The following BTBD17 variants were observed in gnomAD, a reference collection of about 807,000 sequenced individuals.
The protein encoded by BTBD17 is BTB/POZ domain-containing protein 17.
In BTBD17, 26 loss-of-function variants were observed where a neutral mutation model predicts 36.9. The observed-to-expected ratio is 0.70, with a 90% CI of 0.52 to 0.98. The LOEUF is 0.98. BTBD17 is among the 50% of genes least tolerant of loss of function. BTBD17 has a pLI of 0.00. For missense variants in BTBD17, 630 were observed against 691.3 expected (o/e 0.91, Z 0.99); for synonymous variants, 341 against 338.0 (o/e 1.01, Z -0.10).
chr17:74,363,104 A>T (rs1038997735), upstream of BTBD17, among the ~76,000 whole-genome samples: 1 of 151,774 alleles, frequency 6.6e-6, no homozygotes, highest in Non-Finnish European at 1.5e-5. Context: ...CTCCCAAGGG[A>T]TCTGACTCCG....
In BTBD17 at chr17:74,356,904, G is replaced by A. The variant is rs1263485751; in HGVS notation, c.1190C>T (p.Pro397Leu). ...EDGRPRLVVT[P>L]ASSGGDAAGV... is the part of the protein sequence containing the mutation. ...CGCCGCGTCGCCGCCGCTGCTGGCC[G>A]GCGTCACCACCAGCCGCGGTCGGCC... Residue 397 changes from proline to leucine, a missense_variant, in exon 3 of 3, where the codon CCG (proline) becomes CTG (leucine). By Grantham distance (98) the Pro-to-Leu change is moderately conservative. Transcript: ENST00000375366. This position sits in a 1 kb window ranked among gnomAD's most constrained non-coding sequence, Gnocchi z 4.3. The A allele has an allele frequency of 2.1e-6, 3 of 1,461,092 alleles. No individual in the cohort carries two copies. The highest frequency in any genetic ancestry group is 2.7e-6 in the Non-Finnish European group (3 of 1,115,814). The allele number at this position is 1,461,092 out of a possible 1,614,324, so 90.5% of individuals were successfully genotyped here. A position where few individuals can be genotyped will look rare whatever the true frequency, so the allele number is the denominator to read the frequency against.
intron 2 of BTBD17, among the ~76,000 whole-genome samples, 174 bp downstream of exon 2, chr17:74,359,795 A>G (rs1191110993): frequency 6.6e-6 from 1 of 152,226 alleles, no homozygotes; most frequent in African/African-American, 2.4e-5. Flanking sequence ...GACACGGGCA[A>G]AGACAGGGAG....
intron 1 of BTBD17, among the ~76,000 whole-genome samples, chr17:74,360,886 C>T (rs530231433): frequency 3.9e-5 from 6 of 152,268 alleles, no homozygotes; most frequent in African/African-American, 1.2e-4. Context: ...GGCCCTTGAA[C>T]GGAATGGGCC....
Position 74,357,047 on chromosome 17 carries a change from G to A in BTBD17, c.1047C>T (p.Asp349=). Residue 349 remains aspartate (D), a synonymous_variant, in exon 3 of 3, where the codon GAC becomes GAT. Coordinates refer to ENST00000375366, the MANE Select transcript of BTBD17 (RefSeq NM_001080466.2). This position sits in a 1 kb window ranked among gnomAD's most constrained non-coding sequence, Gnocchi z 8.4. ...FQTQLGPSGH[D]AGRRVTWNVL... Reference sequence around the variant, plus strand: ...CGTTCCAGGTGACCCGGCGGCCCGCGTCGTGGCCACTCGGGCCCAGCTGCG... The same window carrying A: ...CGTTCCAGGTGACCCGGCGGCCCGCATCGTGGCCACTCGGGCCCAGCTGCG... 2.6e-6 allele frequency: 4 copies of A among 1,528,886 alleles called. No homozygotes were observed. In the South Asian group the frequency reaches 3.6e-5, roughly 14 times the overall value. 94.7% of individuals were successfully genotyped at this position (1,528,886 alleles called of 1,614,324 possible).
At position 74,356,746 on chromosome 17, in the gene BTBD17, G is replaced by A; in HGVS notation, c.1348C>T (p.Arg450Cys). The change falls in exon 3 of 3, where the codon CGC becomes TGC. Residue 450 changes from arginine to cysteine, a missense_variant. Physicochemically the swap from Arg to Cys is radical, Grantham distance 180. Coordinates refer to ENST00000375366, the MANE Select transcript of BTBD17 (RefSeq NM_001080466.2). The surrounding 1 kb of genome is among the most constrained non-coding windows in gnomAD (Gnocchi z 4.3). ...DFLAHADLQR[R>C]NSEYLVENAL... ...TTCTCAACCAGGTACTCGGAGTTGC[G>A]CCGCTGCAGGTCGGCGTGCGCCAGG... 6.2e-7 allele frequency: 1 copy of A among 1,600,988 alleles called. No individual in the cohort carries two copies. The highest frequency in any genetic ancestry group is 8.5e-7 in the Non-Finnish European group (1 of 1,174,666).
Position 74,356,549 on chromosome 17 carries a change from C to T in BTBD17, c.*108G>A, listed in dbSNP as rs1472428780. 8 of 1,347,110 alleles carry T rather than the reference C, an allele frequency of 5.9e-6. No individual in the cohort carries two copies. Among genetic ancestry groups the T allele is most frequent in the Non-Finnish European group, 7.6e-6 (8 of 1,046,448 alleles). The allele number at this position is 1,347,110 out of a possible 1,614,324, so 83.4% of individuals were successfully genotyped here. On this transcript the variant is annotated 3_prime_UTR_variant, in exon 3 of 3. Coordinates refer to ENST00000375366, the MANE Select transcript of BTBD17 (RefSeq NM_001080466.2). This position sits in a 1 kb window ranked among gnomAD's most constrained non-coding sequence, Gnocchi z 4.3. ...TCCACCCCAGCCCTAGGGTGGCCGG[C>T]GCCTGGCCATCCAGGGGACCAGGCT...
In BTBD17 at chr17:74,357,578, C is replaced by T; in HGVS notation, c.516G>A (p.Trp172Ter). The T allele has an allele frequency of 6.4e-7, 1 of 1,552,182 alleles. No homozygotes were observed. The highest frequency in any genetic ancestry group is 8.7e-7 in the Non-Finnish European group (1 of 1,155,526). Residue 172 changes from tryptophan to a stop codon, truncating the protein, a stop_gained, in exon 3 of 3, where the codon TGG becomes TGA. Transcript: ENST00000375366. LOFTEE classifies it high-confidence loss of function. The surrounding 1 kb of genome is among the most constrained non-coding windows in gnomAD (Gnocchi z 8.4). ...CCCCGGTGCCCACCGCGTAGTGGTA[C>T]CAGCCCACCGCCGGGCCCGCGCCTC... is the stretch of plus-strand genomic sequence containing the variant. ...LAGGAGPAVG[W>*]YHYAVGTGDE... is the part of the protein sequence containing the mutation.
At chr17:74,360,358 A>G in intron 1 of BTBD17, 113 bp from the exon 2 acceptor site, 1 of 1,141,606 alleles carries the variant, frequency 8.8e-7, no homozygotes, top group Non-Finnish European at 1.2e-6. Context: ...GCAGAGGGCA[A>G]GGTGGGCCTA....
At position 74,357,161 on chromosome 17, in the gene BTBD17, G is replaced by T; in HGVS notation, c.933C>A (p.Phe311Leu). ...CGGGCGCGAGGTAGTTGCGGGGCAG[G>T]AAGGCGCTGCCGTTGACGTCGAAGA... Reference protein sequence around the residue: ...AKFFDVNGSAFLPRNYLAPAW... With the variant: ...AKFFDVNGSALLPRNYLAPAW... The change falls in exon 3 of 3, where the codon TTC becomes TTA. Residue 311 changes from phenylalanine to leucine, a missense_variant. Transcript: ENST00000375366. This position sits in a 1 kb window ranked among gnomAD's most constrained non-coding sequence, Gnocchi z 8.4. 1 of 1,545,432 alleles carries T rather than the reference G, an allele frequency of 6.5e-7. No homozygotes were observed.
chr17:74,360,129 G>T lies in BTBD17; in HGVS notation c.202C>A (p.Arg68=). 2 of 1,613,044 alleles carry T rather than the reference G, an allele frequency of 1.2e-6. No homozygotes were observed. The highest frequency in any genetic ancestry group is 1.7e-6 in the Non-Finnish European group (2 of 1,179,952). ...TCATCGGTGCCCGCAGCCTGCACCCGCAGAACCACATCGCTGGCGTTGCCC... is the reference window on the plus strand; with the variant it reads ...TCATCGGTGCCCGCAGCCTGCACCCTCAGAACCACATCGCTGGCGTTGCCC... ...RQGNASDVVL[R]VQAAGTDEVR... Residue 68 remains arginine, a synonymous_variant, in exon 2 of 3, where the codon CGG becomes AGG. Coordinates refer to ENST00000375366, the MANE Select transcript of BTBD17 (RefSeq NM_001080466.2).
At chr17:74,362,838 A>G (rs1037428358), upstream of BTBD17, among the ~76,000 whole-genome samples, 4 of 152,114 alleles carry the variant, frequency 2.6e-5, no homozygotes, top group East Asian at 1.9e-4. Flanking sequence ...TTCACTCCCA[A>G]TGTAAGGAAA....
chr17:74,358,503 G>A (rs1373619397), intron 2 of BTBD17, among the ~76,000 whole-genome samples: 4 of 99,412 alleles, frequency 4.0e-5, no homozygotes, highest in African/African-American at 8.1e-5. Flanking sequence ...TTTTTTTTGA[G>A]ATGGGGTCTT....
chr17:74,357,062 G>A lies in BTBD17; in HGVS notation c.1032C>T (p.Gly344=), dbSNP rs760750076. The part of the protein sequence containing the change: ...DRSTSFQTQL[G]PSGHDAGRRV... The stretch of plus-strand genomic sequence containing the variant: ...GGCGGCCCGCGTCGTGGCCACTCGG[G>A]CCCAGCTGCGTCTGGAAGCTGGTGC... Residue 344 remains glycine (G), a synonymous_variant, in exon 3 of 3, where the codon GGC becomes GGT. Coordinates refer to ENST00000375366, the MANE Select transcript of BTBD17 (RefSeq NM_001080466.2). The surrounding 1 kb of genome is among the most constrained non-coding windows in gnomAD (Gnocchi z 8.4). 1 of 1,533,028 alleles carries A rather than the reference G, an allele frequency of 6.5e-7. No individual in the cohort carries two copies. 95.0% of individuals were successfully genotyped at this position (1,533,028 alleles called of 1,614,324 possible).
chr17:74,357,165 G>T lies in BTBD17; in HGVS notation c.929C>A (p.Ala310Asp), dbSNP rs770866677. ...YAKFFDVNGSAFLPRNYLAPA... is the reference protein window; with the variant it reads ...YAKFFDVNGSDFLPRNYLAPA... ...CGCGAGGTAGTTGCGGGGCAGGAAGGCGCTGCCGTTGACGTCGAAGAACTT... is the reference window on the plus strand; with the variant it reads ...CGCGAGGTAGTTGCGGGGCAGGAAGTCGCTGCCGTTGACGTCGAAGAACTT... The change falls in exon 3 of 3, where the codon GCC (alanine) becomes GAC (aspartate). Residue 310 changes from alanine to aspartate, a missense_variant. Ala to Asp is a moderately radical substitution (Grantham distance 126, BLOSUM62 -2). Coordinates refer to ENST00000375366, the MANE Select transcript of BTBD17 (RefSeq NM_001080466.2). This position sits in a 1 kb window ranked among gnomAD's most constrained non-coding sequence, Gnocchi z 8.4. The T allele has an allele frequency of 6.5e-7, 1 of 1,547,284 alleles. No homozygotes were observed. Among genetic ancestry groups the T allele is most frequent in the East Asian group, 2.5e-5 (1 of 39,636 alleles).
chr17:74,362,031 G>A (rs111792213), upstream of BTBD17: 12,012 of 531,380 alleles, frequency 0.023, 400 homozygotes, highest in African/African-American at 0.1. Context: ...CGGCAGCCCC[G>A]GGGGCTATTG....
rs779505790 is a variant in BTBD17, at chr17:74,357,011, C to T, written c.1083G>A (p.Ser361=). 3.3e-5 allele frequency: 50 copies of T among 1,505,822 alleles called. No homozygotes were observed. The African/African-American group carries it at 4.0e-4, about 12-fold the overall frequency. 93.3% of individuals were successfully genotyped at this position (1,505,822 alleles called of 1,614,324 possible). A position where few individuals can be genotyped will look rare whatever the true frequency, so the allele number is the denominator to read the frequency against. Residue 361 remains serine (S), a synonymous_variant, in exon 3 of 3, where the codon TCG becomes TCA. Transcript: ENST00000375366. The surrounding 1 kb of genome is among the most constrained non-coding windows in gnomAD (Gnocchi z 8.4). ...GCAGGCTGACGGGCAGCCAGCGCGG[C>T]GAGAAGAGCACGTTCCAGGTGACCC... ...GRRVTWNVLF[S]PRWLPVSLRP...
chr17:74,356,867 G>A lies in BTBD17; in HGVS notation c.1227C>T (p.Phe409=), dbSNP rs1157677786. The A allele has an allele frequency of 6.6e-7, 1 of 1,522,728 alleles. No homozygotes were observed. Among genetic ancestry groups the A allele is most frequent in the South Asian group, 1.2e-5 (1 of 81,944 alleles). The allele number at this position is 1,522,728 out of a possible 1,614,324, so 94.3% of individuals were successfully genotyped here. ...GCGCCCCCACCAGCACCGTCTTCTG[G>A]AAGCTCACGCCCGCCGCGTCGCCGC... The part of the protein sequence containing the change: ...SSGGDAAGVS[F]QKTVLVGARQ... Residue 409 remains phenylalanine (F), a synonymous_variant, in exon 3 of 3, where the codon TTC becomes TTT. Coordinates refer to ENST00000375366, the MANE Select transcript of BTBD17 (RefSeq NM_001080466.2). This position sits in a 1 kb window ranked among gnomAD's most constrained non-coding sequence, Gnocchi z 4.3.
Position 74,357,019 on chromosome 17 carries a change from G to A in BTBD17, c.1075C>T (p.Leu359Phe). Reference sequence around the variant, plus strand: ...ACGGGCAGCCAGCGCGGCGAGAAGAGCACGTTCCAGGTGACCCGGCGGCCC... The same window carrying A: ...ACGGGCAGCCAGCGCGGCGAGAAGAACACGTTCCAGGTGACCCGGCGGCCC... ...DAGRRVTWNV[L>F]FSPRWLPVSL... Residue 359 changes from leucine to phenylalanine, a missense_variant, in exon 3 of 3, where the codon CTC becomes TTC. Coordinates refer to ENST00000375366, the MANE Select transcript of BTBD17 (RefSeq NM_001080466.2). This position sits in a 1 kb window ranked among gnomAD's most constrained non-coding sequence, Gnocchi z 8.4. The A allele has an allele frequency of 6.6e-7, 1 of 1,519,798 alleles. No individual in the cohort carries two copies. Among genetic ancestry groups the A allele is most frequent in the East Asian group, 2.7e-5 (1 of 37,368 alleles). The allele number at this position is 1,519,798 out of a possible 1,614,324, so 94.1% of individuals were successfully genotyped here. A position where few individuals can be genotyped will look rare whatever the true frequency, so the allele number is the denominator to read the frequency against.
At chr17:74,360,408 G>A (rs182099732) in intron 1 of BTBD17, among the ~76,000 whole-genome samples, 163 bp from the exon 2 acceptor site, 2 of 152,358 alleles carry the variant, frequency 1.3e-5, no homozygotes, top group East Asian at 1.9e-4. Context: ...CCCACGAGGC[G>A]CGTGGATGCA....
Sources: allele counts gnomAD v4.1 joint callset (sites outside exome capture counted in the v4.1 genomes callset), GRCh38; gene constraint gnomAD v4.1.1; non-coding constraint Gnocchi (gnomAD v3.1); transcripts MANE v1.5; gene names NCBI Gene and HGNC (gene_info 2026-07-23, HGNC 2026-07-21).